The following SMAD1 variants were observed in gnomAD, a reference collection of about 807,000 sequenced individuals.
SMAD1 encodes SMAD family member 1.
In SMAD1, 6 loss-of-function variants were observed where a neutral mutation model predicts 41.6. That is an observed-to-expected ratio of 0.14 (90% confidence interval 0.08 to 0.28). The LOEUF is 0.28. Ranked by LOEUF, SMAD1 falls within the 10% of genes least tolerant of loss-of-function variation. The pLI is 1.00. For missense variants in SMAD1, 379 were observed against 582.6 expected (o/e 0.65, Z 3.60); for synonymous variants, 206 against 203.2 (o/e 1.01, Z -0.12).
At chr4:145,557,741 T>G (rs375075354) in intron 6 of SMAD1, 50 bp from the exon 7 acceptor site, 41 of 1,457,306 alleles carry the variant, frequency 2.8e-5, no homozygotes, top group Admixed American at 3.8e-5. Flanking sequence ...CTTAATAAGT[T>G]TAACCACTGA....
At chr4:145,517,745 T>C (rs1730508506) in intron 2 of SMAD1, among the ~76,000 whole-genome samples, 1 of 73,758 alleles carries the variant, frequency 1.4e-5, no homozygotes, top group Non-Finnish European at 4.8e-5. Context: ...CTATTACACC[T>C]CTGATACAAG....
chr4:145,487,512 T>C (rs138842378), intron 1 of SMAD1, among the ~76,000 whole-genome samples: 1 of 152,220 alleles, frequency 6.6e-6, no homozygotes, highest in Non-Finnish European at 1.5e-5. Context: ...CTGAAACCTC[T>C]TGACCCTTTA....
chr4:145,491,592 C>T (rs1011360368), intron 1 of SMAD1, among the ~76,000 whole-genome samples: 1 of 152,122 alleles, frequency 6.6e-6, no homozygotes, highest in African/African-American at 2.4e-5. Context: ...GGGCTTTTCT[C>T]ATTTAAGGAA....
chr4:145,532,081 C>G (rs1183447100), intron 2 of SMAD1, among the ~76,000 whole-genome samples: 2 of 152,204 alleles, frequency 1.3e-5, no homozygotes, highest in African/African-American at 4.8e-5. Flanking sequence ...CTCAGCCCCT[C>G]TCTACAATTT....
chr4:145,553,466 C>A (rs2126554774), intron 5 of SMAD1, among the ~76,000 whole-genome samples: 1 of 152,256 alleles, frequency 6.6e-6, no homozygotes, highest in East Asian at 1.9e-4. Flanking sequence ...TGATCCCTCC[C>A]ATGCACAGTT....
chr4:145,556,061 A>G (rs1732819530), intron 6 of SMAD1, among the ~76,000 whole-genome samples: 1 of 152,260 alleles, frequency 6.6e-6, no homozygotes, highest in Non-Finnish European at 1.5e-5. Flanking sequence ...TCTCCCATTC[A>G]ACATTTTAAA....
At chr4:145,507,059 C>T (rs1729828016) in intron 1 of SMAD1, among the ~76,000 whole-genome samples, 1 of 152,044 alleles carries the variant, frequency 6.6e-6, no homozygotes, top group Non-Finnish European at 1.5e-5. Context: ...GTTCAGAACA[C>T]TGCTTTAAAC....
intron 3 of SMAD1, among the ~76,000 whole-genome samples, chr4:145,541,191 C>T (rs1731912399): frequency 6.6e-6 from 1 of 152,096 alleles, no homozygotes; most frequent in African/African-American, 2.4e-5. Flanking sequence ...GCAGTGGCAG[C>T]CCAGAGTGGC....
intron 1 of SMAD1, among the ~76,000 whole-genome samples, chr4:145,499,020 T>C (rs1428446398): frequency 6.6e-6 from 1 of 152,190 alleles, no homozygotes; most frequent in Non-Finnish European, 1.5e-5. Flanking sequence ...AGACCATTCT[T>C]CTACCATCCT....
At chr4:145,555,079 G>GTGTT (rs892511542) in intron 6 of SMAD1, among the ~76,000 whole-genome samples, 5 of 151,968 alleles carry the variant, frequency 3.3e-5, no homozygotes, top group Non-Finnish European at 7.4e-5. Context: ...TTGTTTTTGT[G>GTGTT]TGTTTGTTTG....
chr4:145,524,789 C>T (rs200706619), intron 2 of SMAD1, among the ~76,000 whole-genome samples: 148 of 7,646 alleles, frequency 0.019, 1 homozygote, highest in African/African-American at 0.082. Flanking sequence ...AAAAAGAAAA[C>T]GAAAAAAAAA....
chr4:145,483,176 C>T (rs1218140197), intron 1 of SMAD1: 1 of 152,212 alleles, frequency 6.6e-6, no homozygotes, highest in Non-Finnish European at 1.5e-5. Context: ...GCATCCTTTT[C>T]GTGAGTGCTG....
At chr4:145,549,723 A>C (rs1428861983) in intron 5 of SMAD1, among the ~76,000 whole-genome samples, 1 of 152,240 alleles carries the variant, frequency 6.6e-6, no homozygotes, top group Non-Finnish European at 1.5e-5. Context: ...AAAAGCACTC[A>C]AGATAAAGTG....
Position 145,515,151 on chromosome 4 carries a change from T to C in SMAD1, c.400+138T>C. On this transcript the variant is annotated intron_variant, in intron 2 of 6. Transcript: ENST00000302085. The stretch of plus-strand genomic sequence containing the variant: ...TGGGGAAACTGTGTGTGTGTGTGTG[T>C]GTGTGTGTGTGTGTGTGTGTGTGTG... 5 of 687,218 alleles carry C rather than the reference T, an allele frequency of 7.3e-6. No homozygotes were observed. The East Asian group carries it at 1.3e-4, about 18-fold the overall frequency. The allele number at this position is 687,218 out of a possible 1,614,324, so 42.6% of individuals were successfully genotyped here. A position where few individuals can be genotyped will look rare whatever the true frequency, so the allele number is the denominator to read the frequency against.
At chr4:145,488,616 C>T (rs1156622249) in intron 1 of SMAD1, among the ~76,000 whole-genome samples, 2 of 151,722 alleles carry the variant, frequency 1.3e-5, no homozygotes, top group East Asian at 3.9e-4. Flanking sequence ...ACTCTCTCAA[C>T]GGTTATAATT....
chr4:145,520,584 C>T (rs988207564), intron 2 of SMAD1, among the ~76,000 whole-genome samples: 1 of 152,184 alleles, frequency 6.6e-6, no homozygotes, highest in Non-Finnish European at 1.5e-5. Flanking sequence ...TTTAATTTTG[C>T]ATGTTTGGAT....
At position 145,557,742 on chromosome 4, in the gene SMAD1, T is replaced by TA. The variant is rs767072444; in HGVS notation, c.1255-47dup. 1.4e-5 allele frequency: 21 copies of TA among 1,464,362 alleles called. No individual in the cohort carries two copies. In the East Asian group the frequency reaches 2.6e-4, roughly 18 times the overall value. The allele number at this position is 1,464,362 out of a possible 1,614,324, so 90.7% of individuals were successfully genotyped here. ...GTGAACTCTTCTTACTTAATAAGTT[T>TA]AACCACTGAGTTAAACAAGTTAAAT... On this transcript the variant is annotated intron_variant, in intron 6 of 6. Coordinates refer to ENST00000302085, the MANE Select transcript of SMAD1 (RefSeq NM_005900.3).
At chr4:145,512,149 A>C (rs1025406248) in intron 1 of SMAD1, among the ~76,000 whole-genome samples, 3 of 152,190 alleles carry the variant, frequency 2.0e-5, no homozygotes, top group African/African-American at 7.2e-5. Flanking sequence ...ACTTACTTGA[A>C]GGTAATGTGC....
intron 1 of SMAD1, among the ~76,000 whole-genome samples, chr4:145,483,531 A>G (rs553445097): frequency 5.9e-5 from 9 of 152,326 alleles, no homozygotes; most frequent in South Asian, 4.1e-4. Flanking sequence ...AGCATTTTCA[A>G]TTGGTATAAA....
Sources: allele counts gnomAD v4.1 joint callset (sites outside exome capture counted in the v4.1 genomes callset), GRCh38; gene constraint gnomAD v4.1.1; transcripts MANE v1.5; gene names NCBI Gene and HGNC (gene_info 2026-07-23, HGNC 2026-07-21).